The following ACOT7 variants were observed in gnomAD, a reference collection of about 807,000 sequenced individuals.
ACOT7 encodes the protein acyl-CoA thioesterase 7, also known as cytosolic acyl coenzyme A thioester hydrolase.
A neutral mutation model predicts 40.2 loss-of-function variants in ACOT7; 12 were observed. The ratio of observed to expected loss-of-function variants is 0.30; its 90% CI spans 0.19 to 0.48. The LOEUF (loss-of-function observed/expected upper bound fraction) is 0.48, where lower values mean the gene tolerates loss of function less well. ACOT7 is among the 20% of genes least tolerant of loss of function. The pLI is 0.99. For missense variants in ACOT7, 395 were observed against 530.8 expected (o/e 0.74, Z 2.51); for synonymous variants, 228 against 219.5 (o/e 1.04, Z -0.34).
At chr1:6,365,375 T>A (rs1641981800) in intron 1 of ACOT7, among the ~76,000 whole-genome samples, 3 of 152,174 alleles carry the variant, frequency 2.0e-5, no homozygotes, top group Admixed American at 2.0e-4. Flanking sequence ...ATAAGTCACA[T>A]GATTTTTTTG....
intron 6 of ACOT7, among the ~76,000 whole-genome samples, chr1:6,300,974 G>A (rs558708691): frequency 5.9e-5 from 9 of 152,358 alleles, no homozygotes; most frequent in Admixed American, 2.0e-4. Context: ...GGATGGGACC[G>A]GACCTGACCT....
chr1:6,356,047 A>G (rs910758744), intron 1 of ACOT7, among the ~76,000 whole-genome samples: 4 of 152,192 alleles, frequency 2.6e-5, no homozygotes, highest in Admixed American at 1.3e-4. Flanking sequence ...GAAACTATGA[A>G]TGTCACCTTA....
At chr1:6,315,874 T>TA (rs2148418894) in intron 6 of ACOT7, among the ~76,000 whole-genome samples, 1 of 152,246 alleles carries the variant, frequency 6.6e-6, no homozygotes, top group African/African-American at 2.4e-5. Flanking sequence ...AAGCCATTAT[T>TA]CCTAATACAC....
At chr1:6,276,654 A>C (rs987210961) in intron 8 of ACOT7, among the ~76,000 whole-genome samples, 26 of 152,064 alleles carry the variant, frequency 1.7e-4, no homozygotes, top group Non-Finnish European at 3.7e-4. Context: ...GACGGAACGC[A>C]CATGCAGGTT....
chr1:6,293,796 C>T (rs1468674949), intron 7 of ACOT7, among the ~76,000 whole-genome samples: 1 of 152,230 alleles, frequency 6.6e-6, no homozygotes, highest in Non-Finnish European at 1.5e-5. Flanking sequence ...CATGTGTGAG[C>T]CTAGCCTTCT....
At chr1:6,269,116 T>G (rs1364075611) in intron 8 of ACOT7, among the ~76,000 whole-genome samples, 1 of 152,196 alleles carries the variant, frequency 6.6e-6, no homozygotes, top group Non-Finnish European at 1.5e-5. Flanking sequence ...ATTGTCCACT[T>G]TTACCAATGA....
At chr1:6,342,914 T>C (rs1426459815) in intron 2 of ACOT7, among the ~76,000 whole-genome samples, 1 of 152,234 alleles carries the variant, frequency 6.6e-6, no homozygotes, top group Non-Finnish European at 1.5e-5. Flanking sequence ...TTCTCATCTT[T>C]GCTGAATAAA....
intron 8 of ACOT7, among the ~76,000 whole-genome samples, chr1:6,266,401 G>A (rs1023602511): frequency 6.6e-6 from 1 of 152,236 alleles, no homozygotes; most frequent in Non-Finnish European, 1.5e-5. Context: ...TGCACACTGA[G>A]GCAGAATGTG....
rs538194124 is a variant in ACOT7 at position 6,355,836 on chromosome 1, C to T, written c.144-5970G>A. 5.9e-4 allele frequency among the ~76,000 whole-genome samples: 90 copies of T among 152,228 alleles called. No individual in the cohort carries two copies. Among genetic ancestry groups the T allele is most frequent in the Middle Eastern group, 3.4e-3 (1 of 294 alleles). On this transcript the variant is annotated intron_variant, in intron 1 of 8. Coordinates refer to ENST00000361521, the MANE Select transcript of ACOT7 (RefSeq NM_007274.4). This position sits in a 1 kb window ranked among gnomAD's most constrained non-coding sequence, Gnocchi z 5.0. ...AGGACAGCCCGAGCCTGTTCCGCAGCGGGAGTGAGGCGCCTGGAACAATTG... is the reference window on the plus strand; with the variant it reads ...AGGACAGCCCGAGCCTGTTCCGCAGTGGGAGTGAGGCGCCTGGAACAATTG...
chr1:6,270,448 A>C (rs1490502311), intron 8 of ACOT7, among the ~76,000 whole-genome samples: 2 of 152,266 alleles, frequency 1.3e-5, no homozygotes, highest in East Asian at 3.9e-4. Flanking sequence ...CTGTGGCCTC[A>C]GGCAGGCTCC....
At chr1:6,356,347 G>A (rs1641743579) in intron 1 of ACOT7, among the ~76,000 whole-genome samples, 1 of 152,140 alleles carries the variant, frequency 6.6e-6, no homozygotes, top group Admixed American at 6.5e-5. Flanking sequence ...AAAGAAAGCA[G>A]CACTGAGTGG....
intron 6 of ACOT7, among the ~76,000 whole-genome samples, chr1:6,309,172 G>A (rs1640262224): frequency 1.3e-5 from 2 of 152,266 alleles, no homozygotes; most frequent in African/African-American, 4.8e-5. Context: ...AAGGGGCTCA[G>A]TCATGACCTC....
intron 3 of ACOT7, among the ~76,000 whole-genome samples, chr1:6,335,722 G>A (rs967653963): frequency 8.5e-5 from 13 of 152,156 alleles, no homozygotes; most frequent in African/African-American, 2.9e-4. Flanking sequence ...AGCCCCAGGG[G>A]GCCCATTAAG....
At position 6,301,774 on chromosome 1, in the gene ACOT7, G is replaced by A. The variant is rs1443504995; in HGVS notation, c.713-6794C>T. On this transcript the variant is annotated intron_variant, in intron 6 of 8. Coordinates refer to ENST00000361521, the MANE Select transcript of ACOT7 (RefSeq NM_007274.4). This position sits in a 1 kb window ranked among gnomAD's most constrained non-coding sequence, Gnocchi z 4.1. ...GGCAGGAAAAGCTCATCCGGTCCCAGAAACCCCAAAGCCAGGTGAGCTTGA... is the reference window on the plus strand; with the variant it reads ...GGCAGGAAAAGCTCATCCGGTCCCAAAAACCCCAAAGCCAGGTGAGCTTGA... 6.6e-6 allele frequency among the ~76,000 whole-genome samples: 1 copy of A among 152,176 alleles called. No individual in the cohort carries two copies. The highest frequency in any genetic ancestry group is 1.5e-5 in the Non-Finnish European group (1 of 68,036).
intron 2 of ACOT7, among the ~76,000 whole-genome samples, chr1:6,341,220 C>A (rs866155836): frequency 3.3e-5 from 5 of 151,660 alleles, no homozygotes; most frequent in Middle Eastern, 3.4e-3. Context: ...CGGTTCACTG[C>A]AACCTCCGCC....
rs762777828 is a variant in ACOT7, at chr1:6,333,612, G to T, written c.419-44C>A. ...CATTAAGTGACGCCCGGGAGACGGGGTGGGAATGTGAGCGTCCAGGCACGT... is the reference window on the plus strand; with the variant it reads ...CATTAAGTGACGCCCGGGAGACGGGTTGGGAATGTGAGCGTCCAGGCACGT... On this transcript the variant is annotated intron_variant, in intron 3 of 8. Transcript: ENST00000361521. The T allele has an allele frequency of 3.2e-5, 52 of 1,601,578 alleles. 1 individual carries two copies. The East Asian group carries it at 1.2e-3, about 36-fold the overall frequency.
chr1:6,295,159 T>C, intron 6 of ACOT7, 179 bp from the exon 7 acceptor site: 1 of 479,026 alleles, frequency 2.1e-6, no homozygotes. Flanking sequence ...ACATGGGGCT[T>C]CCTCAGGAGA....
At chr1:6,328,990 T>C (rs1457642671) in intron 4 of ACOT7, among the ~76,000 whole-genome samples, 2 of 151,990 alleles carry the variant, frequency 1.3e-5, no homozygotes, top group African/African-American at 4.9e-5. Context: ...TAGCCTCCAC[T>C]TCTGCTCTCA....
intron 2 of ACOT7, among the ~76,000 whole-genome samples, chr1:6,340,690 TCAA>T (rs1641252034): frequency 6.6e-6 from 1 of 152,184 alleles, no homozygotes; most frequent in Admixed American, 6.5e-5. Flanking sequence ...TCTTTTTCAT[TCAA>T]CGTAGGAAAA....
Sources: gnomAD v4.1 joint callset for allele counts (sites outside exome capture counted in the v4.1 genomes callset) on GRCh38, gnomAD v4.1.1 for gene constraint, Gnocchi (gnomAD v3.1) non-coding constraint, MANE v1.5 for transcripts, NCBI Gene and HGNC (gene_info 2026-07-23, HGNC 2026-07-21) for gene names.